ELAVL3: variants seen among roughly 807,000 people sequenced by gnomAD.
ELAVL3 encodes ELAV like RNA binding protein 3.
Under a neutral mutation model 34.2 loss-of-function variants are expected in ELAVL3, and 8 were observed. The observed-to-expected ratio is 0.23, with a 90% CI of 0.14 to 0.42. The LOEUF is 0.42. Among genes scored for constraint, ELAVL3 ranks in the 10% least tolerant of loss-of-function variants. The pLI, the probability that ELAVL3 is intolerant of heterozygous loss-of-function variation, is 1.00. For synonymous variants in ELAVL3, 209 were observed against 222.1 expected, an observed-to-expected ratio of 0.94 and a Z score of 0.53; for missense variants, 273 against 518.8, an observed-to-expected ratio of 0.53 and a Z score of 4.60.
intron 1 of ELAVL3, among the ~76,000 whole-genome samples, chr19:11,476,076 G>A (rs560449090): frequency 9.8e-5 from 15 of 152,324 alleles, no homozygotes; most frequent in South Asian, 6.2e-4. Context: ...CAAGGCACCC[G>A]CAGTGATGCA....
intron 1 of ELAVL3, among the ~76,000 whole-genome samples, chr19:11,478,738 G>A (rs1370465234): frequency 6.6e-6 from 1 of 151,948 alleles, no homozygotes; most frequent in Non-Finnish European, 1.5e-5. Flanking sequence ...ACATACATCT[G>A]ACGTATGGGT....
At chr19:11,475,121 G>C (rs953772472) in intron 1 of ELAVL3, among the ~76,000 whole-genome samples, 1 of 152,066 alleles carries the variant, frequency 6.6e-6, no homozygotes, top group African/African-American at 2.4e-5. Context: ...CACCGCACCC[G>C]GCCTAATACT....
At chr19:11,468,198 A>G (rs962919473) in intron 1 of ELAVL3, among the ~76,000 whole-genome samples, 2 of 152,112 alleles carry the variant, frequency 1.3e-5, no homozygotes, top group Admixed American at 1.3e-4. Context: ...CTTTTGCTTC[A>G]TGCATAAGTT....
At chr19:11,470,081 G>A (rs139703068) in intron 1 of ELAVL3, among the ~76,000 whole-genome samples, 3 of 152,074 alleles carry the variant, frequency 2.0e-5, no homozygotes, top group African/African-American at 7.2e-5. Flanking sequence ...AAAGCTGGGG[G>A]CAGTGGCTCA....
At chr19:11,461,228 C>T (rs1228380650) in intron 3 of ELAVL3, among the ~76,000 whole-genome samples, 1 of 151,696 alleles carries the variant, frequency 6.6e-6, no homozygotes, top group Non-Finnish European at 1.5e-5. Flanking sequence ...TTCCCAGAAA[C>T]GGTGGTGACT....
chr19:11,459,504 T>C (rs368036601), intron 3 of ELAVL3, among the ~76,000 whole-genome samples: 20 of 152,082 alleles, frequency 1.3e-4, no homozygotes, highest in African/African-American at 4.8e-4. Flanking sequence ...CCTGATCTCA[T>C]GATCCGCCCG....
At chr19:11,469,752 A>G (rs1242816239) in intron 1 of ELAVL3, among the ~76,000 whole-genome samples, 1 of 152,192 alleles carries the variant, frequency 6.6e-6, no homozygotes, top group Non-Finnish European at 1.5e-5. Flanking sequence ...TAATTCACAC[A>G]AAGACTCTAA....
intron 3 of ELAVL3, among the ~76,000 whole-genome samples, chr19:11,464,009 C>A (rs1029062891): frequency 6.7e-6 from 1 of 149,208 alleles, no homozygotes; most frequent in Non-Finnish European, 1.5e-5. Flanking sequence ...AAAAAAAAAA[C>A]CTTATCCTAC....
At position 11,454,629 on chromosome 19, in the gene ELAVL3, T is replaced by C; in HGVS notation, c.1001A>G (p.Asn334Ser). ...CKGFGFVTMT[N>S]YDEAAMAIAS... ...GATGGCCATGGCCGCCTCGTCATAG[T>C]TGGTCATGGTCACGAAGCCGAAACC... Residue 334 changes from asparagine (N) to serine (S), a missense_variant, in exon 7 of 7, where the codon AAC becomes AGC. Around this residue, in one of 4 missense-constraint regions of ELAVL3, gnomAD observed 52 missense variants for 119.6 expected, o/e 0.43. Coordinates refer to ENST00000359227, the MANE Select transcript of ELAVL3 (RefSeq NM_001420.4). This position sits in a 1 kb window ranked among gnomAD's most constrained non-coding sequence, Gnocchi z 9.2. The C allele has an allele frequency of 6.2e-7, 1 of 1,614,222 alleles. No individual in the cohort carries two copies. Among genetic ancestry groups the C allele is most frequent in the Non-Finnish European group, 8.5e-7 (1 of 1,180,028 alleles).
At position 11,452,310 on chromosome 19, in the gene ELAVL3, T is replaced by C. The variant is rs955692587; in HGVS notation, c.*2216A>G. 6.6e-6 allele frequency: 1 copy of C among 152,308 alleles called. No homozygotes were observed. Among genetic ancestry groups the C allele is most frequent in the African/African-American group, 2.4e-5 (1 of 41,574 alleles). 9.4% of individuals were successfully genotyped at this position (152,308 alleles called of 1,614,324 possible). ...AAACTTAAAGAAACAAAGAGAACAT[T>C]GTCGTTCCTTTAACTTGCAAACCGG... is the stretch of plus-strand genomic sequence containing the variant. On this transcript the variant is annotated 3_prime_UTR_variant, in exon 7 of 7. Coordinates refer to ENST00000359227, the MANE Select transcript of ELAVL3 (RefSeq NM_001420.4).
Position 11,458,190 on chromosome 19 carries a change from G to T in ELAVL3, c.584C>A (p.Ala195Asp). 1 of 1,614,148 alleles carries T rather than the reference G, an allele frequency of 6.2e-7. No homozygotes were observed. The highest frequency in any genetic ancestry group is 8.5e-7 in the Non-Finnish European group (1 of 1,180,020). Residue 195 changes from alanine to aspartate, a missense_variant, in exon 5 of 7, where the codon GCT becomes GAT. Around this residue, in one of 4 missense-constraint regions of ELAVL3, gnomAD observed 102 missense variants for 250.1 expected, o/e 0.41. Transcript: ENST00000359227. The surrounding 1 kb of genome is among the most constrained non-coding windows in gnomAD (Gnocchi z 7.3). ...GLNGQKPLGA[A>D]EPITVKFANN... ...CGCGAACTTGACTGTGATGGGCTCA[G>T]CTGCGCCCAGCGGCTTCTGCCCATT...
intron 1 of ELAVL3, among the ~76,000 whole-genome samples, chr19:11,473,788 A>G (rs1203878193): frequency 2.0e-5 from 3 of 152,208 alleles, no homozygotes; most frequent in Non-Finnish European, 4.4e-5. Context: ...ACTGCCAACC[A>G]AGAACAGTGC....
Position 11,466,281 on chromosome 19 carries a change from G to C in ELAVL3, c.230-6C>G. Reference sequence around the variant, plus strand: ...CCCGTAGCCAAGGCTCTGCCCTGTGGGCAGAACCAGAATGATGACCTTCCC... The same window carrying C: ...CCCGTAGCCAAGGCTCTGCCCTGTGCGCAGAACCAGAATGATGACCTTCCC... On this transcript the variant is annotated splice_polypyrimidine_tract_variant and splice_region_variant and intron_variant, in intron 2 of 6. Transcript: ENST00000359227. This position sits in a 1 kb window ranked among gnomAD's most constrained non-coding sequence, Gnocchi z 5.0. 1 of 1,613,192 alleles carries C rather than the reference G, an allele frequency of 6.2e-7. No homozygotes were observed.
In ELAVL3 at chr19:11,474,743, C is replaced by T. The variant is rs140308408; in HGVS notation, c.9+5857G>A. On this transcript the variant is annotated intron_variant, in intron 1 of 6. Coordinates refer to ENST00000359227, the MANE Select transcript of ELAVL3 (RefSeq NM_001420.4). Reference sequence around the variant, plus strand: ...CGTAGTGCACTGCAGCCTCCAACTCCTGGACTCAAGCAATCCTCTCATCTC... The same window carrying T: ...CGTAGTGCACTGCAGCCTCCAACTCTTGGACTCAAGCAATCCTCTCATCTC... Among the ~76,000 whole-genome samples, 432 of 152,346 alleles carry T rather than the reference C, an allele frequency of 2.8e-3. 3 individuals are homozygous for T. Among genetic ancestry groups the T allele is most frequent in the Middle Eastern group, 0.027 (8 of 294 alleles).
intron 1 of ELAVL3, among the ~76,000 whole-genome samples, chr19:11,473,588 C>T (rs544291420): frequency 6.6e-6 from 1 of 152,324 alleles, no homozygotes; most frequent in African/African-American, 2.4e-5. Context: ...AAGCACTCTA[C>T]ATGCAAGTTT....
chr19:11,479,514 G>A (rs1489140449), intron 1 of ELAVL3, among the ~76,000 whole-genome samples: 4 of 152,036 alleles, frequency 2.6e-5, no homozygotes, highest in Non-Finnish European at 5.9e-5. Context: ...GCGGCGGCGC[G>A]GGGAGCGGAG....
In ELAVL3 at chr19:11,473,100, T is replaced by TCA. The variant is rs1219748221; in HGVS notation, c.10-6275_10-6274dup. ...AAGAAAAGAGGCAGGGCGCGGTGGCTCACACCTGTAATCCCAGCACTTTGG... is the reference window on the plus strand; with the variant it reads ...AAGAAAAGAGGCAGGGCGCGGTGGCTCACACACCTGTAATCCCAGCACTTTGG... On this transcript the variant is annotated intron_variant, in intron 1 of 6. Transcript: ENST00000359227. 1.0e-4 allele frequency among the ~76,000 whole-genome samples: 15 copies of TCA among 146,440 alleles called. No individual in the cohort carries two copies. In the East Asian group the frequency reaches 2.7e-3, roughly 26 times the overall value.
chr19:11,461,189 A>G (rs955546143), intron 3 of ELAVL3, among the ~76,000 whole-genome samples: 1 of 152,044 alleles, frequency 6.6e-6, no homozygotes, highest in Admixed American at 6.6e-5. Context: ...TAAAAAAAAA[A>G]AGAGAAAAAG....
At chr19:11,460,157 G>C (rs1970854030) in intron 3 of ELAVL3, among the ~76,000 whole-genome samples, 1 of 152,056 alleles carries the variant, frequency 6.6e-6, no homozygotes, top group African/African-American at 2.4e-5. Context: ...ATGTCCCCAG[G>C]TTCAGGTTGT....
Sources: allele counts gnomAD v4.1 joint callset (sites outside exome capture counted in the v4.1 genomes callset), GRCh38; gene constraint gnomAD v4.1.1; regional missense constraint gnomAD v4.1.1; non-coding constraint Gnocchi (gnomAD v3.1); transcripts MANE v1.5; gene names NCBI Gene and HGNC (gene_info 2026-07-23, HGNC 2026-07-21).